Variants in IRF5 observed in about 807,000 individuals in gnomAD.
The protein encoded by IRF5 is interferon regulatory factor 5.
IRF5 carries 24 observed loss-of-function variants against 55.1 expected under a neutral mutation model. The ratio of observed to expected loss-of-function variants is 0.44; its 90% CI spans 0.32 to 0.61. The LOEUF is 0.61. IRF5 is among the 20% of genes least tolerant of loss of function. IRF5 has a pLI of 0.07. For synonymous variants in IRF5, 258 were observed against 260.2 expected (o/e 0.99, Z 0.08); for missense variants, 499 against 658.5 (o/e 0.76, Z 2.65).
intron 2 of IRF5, among the ~76,000 whole-genome samples, chr7:128,942,481 C>G (rs905872285): frequency 2.0e-5 from 3 of 150,606 alleles, no homozygotes; most frequent in African/African-American, 7.4e-5. Flanking sequence ...AAGACAGAGT[C>G]TCGCTCTGTA....
chr7:128,948,536 A>G lies in IRF5; in HGVS notation c.1300-37A>G, dbSNP rs1359423212. 16 of 1,609,804 alleles carry G rather than the reference A, an allele frequency of 9.9e-6. No individual in the cohort carries two copies. Among genetic ancestry groups the G allele is most frequent in the African/African-American group, 1.3e-5 (1 of 74,928 alleles). On this transcript the variant is annotated intron_variant, in intron 8 of 8. Transcript: ENST00000357234. The surrounding 1 kb of genome is among the most constrained non-coding windows in gnomAD (Gnocchi z 4.6). Reference sequence around the variant, plus strand: ...CACAGCTGGATCTGGCAGCCCTGCCACAGGTCTCCCTGTCTCATCTCCTCT... The same window carrying G: ...CACAGCTGGATCTGGCAGCCCTGCCGCAGGTCTCCCTGTCTCATCTCCTCT...
chr7:128,948,145 T>C lies in IRF5; in HGVS notation c.1180+24T>C. On this transcript the variant is annotated intron_variant, in intron 7 of 8. Coordinates refer to ENST00000357234, the MANE Select transcript of IRF5 (RefSeq NM_001098629.3). The surrounding 1 kb of genome is among the most constrained non-coding windows in gnomAD (Gnocchi z 4.6). ...TGGTGAGGGCCCAAAGCTGTGATCC[T>C]CCTGGCTGCCTCTTGCCCAGGGCAT... 2.5e-6 allele frequency: 4 copies of C among 1,612,080 alleles called. No homozygotes were observed. The highest frequency in any genetic ancestry group is 3.4e-6 in the Non-Finnish European group (4 of 1,178,382).
rs1563078213 is a variant in IRF5, at chr7:128,948,000, C to T, written c.1059C>T (p.Ile353=). 8.7e-6 allele frequency: 14 copies of T among 1,614,198 alleles called. No homozygotes were observed. Among genetic ancestry groups the T allele is most frequent in the Non-Finnish European group, 8.5e-6 (10 of 1,180,036 alleles). ...TACAGGGCCAGGACCTTTATGCCAT[C>T]CGCCTGTGTCAGTGCAAGGTGTTCT... The part of the protein sequence containing the change: ...LQLQGQDLYA[I]RLCQCKVFWS... The change falls in exon 7 of 9, where the codon ATC becomes ATT. Residue 353 remains isoleucine, a synonymous_variant. Coordinates refer to ENST00000357234, the MANE Select transcript of IRF5 (RefSeq NM_001098629.3). This position sits in a 1 kb window ranked among gnomAD's most constrained non-coding sequence, Gnocchi z 6.5.
In IRF5 at chr7:128,945,862, A is replaced by G; in HGVS notation, c.213A>G (p.Thr71=). 1.2e-6 allele frequency: 2 copies of G among 1,611,286 alleles called. No individual in the cohort carries two copies. The highest frequency in any genetic ancestry group is 1.7e-4 in the Middle Eastern group (1 of 6,032). The change falls in exon 3 of 9, where the codon ACA becomes ACG. Residue 71 remains threonine (T), a synonymous_variant. Transcript: ENST00000357234. ...TGCCCCAGGCCTGGGCCAAGGAGAC[A>G]GGGAAATACACCGAAGGCGTGGATG... ...NTIFKAWAKE[T]GKYTEGVDEA...
rs1006391930 is a variant in IRF5, at chr7:128,949,503, T to C, written c.*685T>C. 3 of 152,226 alleles carry C rather than the reference T, an allele frequency of 2.0e-5. No homozygotes were observed. The highest frequency in any genetic ancestry group is 2.9e-5 in the Non-Finnish European group (2 of 68,062). 9.4% of individuals were successfully genotyped at this position (152,226 alleles called of 1,614,324 possible). On this transcript the variant is annotated 3_prime_UTR_variant, in exon 9 of 9. Coordinates refer to ENST00000357234, the MANE Select transcript of IRF5 (RefSeq NM_001098629.3). ...AGCACTTGCCCCCAGCTTGCGACCA[T>C]TGGCACTGGGAGGGCCTGGCTTCTG...
In IRF5 at chr7:128,948,851, C is replaced by T; in HGVS notation, c.*33C>T. On this transcript the variant is annotated 3_prime_UTR_variant, in exon 9 of 9. Coordinates refer to ENST00000357234, the MANE Select transcript of IRF5 (RefSeq NM_001098629.3). This position sits in a 1 kb window ranked among gnomAD's most constrained non-coding sequence, Gnocchi z 4.6. ...GCAGACGGTGACTGGCCCTGGCTTC[C>T]TGGGTGGCGGTGCGGACTGATGTGG... is the stretch of plus-strand genomic sequence containing the variant. 6.3e-7 allele frequency: 1 copy of T among 1,588,898 alleles called. No homozygotes were observed. Among genetic ancestry groups the T allele is most frequent in the Non-Finnish European group, 8.5e-7 (1 of 1,173,814 alleles).
At chr7:128,940,002 T>G (rs1282355822) in intron 1 of IRF5, among the ~76,000 whole-genome samples, 1 of 152,218 alleles carries the variant, frequency 6.6e-6, no homozygotes. Flanking sequence ...GGATGGATGC[T>G]GTTCGGGTTA....
rs112541697 is a variant in IRF5 at position 128,939,354 on chromosome 7, C to CT, written c.-12+1306dup. Among the ~76,000 whole-genome samples the CT allele has an allele frequency of 4.3e-3, 649 of 152,218 alleles. 4 individuals carry two copies. The highest frequency in any genetic ancestry group is 0.015 in the African/African-American group (623 of 41,516). ...ACCCTGGTCTTCCCCTACCCTGACCCTGGGAGGAAGCTGAAAGAAGCTTCT... is the reference window on the plus strand; with the variant it reads ...ACCCTGGTCTTCCCCTACCCTGACCCTTGGGAGGAAGCTGAAAGAAGCTTCT... On this transcript the variant is annotated intron_variant, in intron 1 of 8. Transcript: ENST00000357234.
Position 128,945,996 on chromosome 7 carries a change from A to G in IRF5, c.347A>G (p.Lys116Arg). 1 of 1,611,216 alleles carries G rather than the reference A, an allele frequency of 6.2e-7. No individual in the cohort carries two copies. The highest frequency in any genetic ancestry group is 8.5e-7 in the Non-Finnish European group (1 of 1,179,270). ...GPRDMPPQPY[K>R]IYEVCSNGPA... is the part of the protein sequence containing the mutation. ...CGGGACATGCCACCTCAGCCCTACA[A>G]GATCTACGAGGTCTGCTCCAATGGC... is the stretch of plus-strand genomic sequence containing the variant. Residue 116 changes from lysine (K) to arginine (R), a missense_variant, in exon 3 of 9, where the codon AAG (lysine) becomes AGG (arginine). By Grantham distance (26) the Lys-to-Arg change is conservative (BLOSUM62 2). Transcript: ENST00000357234.
chr7:128,942,616 C>T (rs1796091061), intron 2 of IRF5, among the ~76,000 whole-genome samples: 1 of 152,030 alleles, frequency 6.6e-6, no homozygotes, highest in Admixed American at 6.5e-5. Context: ...CCACGCCTGG[C>T]CTAGGGCACA....
Position 128,943,707 on chromosome 7 carries a change from A to ATTTTTTTT in IRF5, c.195+1459_195+1466dup, listed in dbSNP as rs61451031. ...AGGCACCTGCCACCATGCCCGGCTA[A>ATTTTTTTT]TTTTTTTTTTTTTTTTTTTTTTTTT... On this transcript the variant is annotated intron_variant, in intron 2 of 8. Transcript: ENST00000357234. Among the ~76,000 whole-genome samples, 605 of 71,922 alleles carry ATTTTTTTT rather than the reference A, an allele frequency of 8.4e-3. 10 individuals are homozygous for ATTTTTTTT. The highest frequency in any genetic ancestry group is 0.024 in the Middle Eastern group (2 of 84). 47.2% of individuals were successfully genotyped at this position (71,922 alleles called of 152,430 possible).
At chr7:128,945,052 A>G (rs149654260) in intron 2 of IRF5, among the ~76,000 whole-genome samples, 1 of 152,364 alleles carries the variant, frequency 6.6e-6, no homozygotes, top group African/African-American at 2.4e-5. Flanking sequence ...TAATACCAAC[A>G]GCTCCAGTGT....
chr7:128,948,560 C>G lies in IRF5; in HGVS notation c.1300-13C>G. On this transcript the variant is annotated splice_polypyrimidine_tract_variant and intron_variant, in intron 8 of 8. Transcript: ENST00000357234. The surrounding 1 kb of genome is among the most constrained non-coding windows in gnomAD (Gnocchi z 4.6). ...CACAGGTCTCCCTGTCTCATCTCCT[C>G]TTTGCCTCCCAGGTGGTGCCTGTAG... 6.2e-7 allele frequency: 1 copy of G among 1,613,084 alleles called. No individual in the cohort carries two copies. Among genetic ancestry groups the G allele is most frequent in the Non-Finnish European group, 8.5e-7 (1 of 1,179,958 alleles).
rs1436935701 is a variant in IRF5 at position 128,945,926 on chromosome 7, G to A, written c.277G>A (p.Ala93Thr). The A allele has an allele frequency of 1.2e-6, 2 of 1,613,678 alleles. No individual in the cohort carries two copies. Among genetic ancestry groups the A allele is most frequent in the Non-Finnish European group, 1.7e-6 (2 of 1,179,876 alleles). Residue 93 changes from alanine to threonine, a missense_variant, in exon 3 of 9, where the codon GCC becomes ACC. Coordinates refer to ENST00000357234, the MANE Select transcript of IRF5 (RefSeq NM_001098629.3). The stretch of plus-strand genomic sequence containing the variant: ...CAAGTGGAAGGCCAACCTGCGCTGT[G>A]CCCTTAACAAGAGCCGGGACTTCCG... Reference protein sequence around the residue: ...PAKWKANLRCALNKSRDFRLI... With the variant: ...PAKWKANLRCTLNKSRDFRLI...
intron 2 of IRF5, 101 bp downstream of exon 2, chr7:128,942,377 C>A (rs1373160632): frequency 5.0e-6 from 5 of 997,658 alleles, no homozygotes; most frequent in South Asian, 1.7e-5. Context: ...GCTGGCCACC[C>A]GCCCAGCTAC....
At chr7:128,942,447 C>G (rs1183172227) in intron 2 of IRF5, among the ~76,000 whole-genome samples, 171 bp downstream of exon 2, 1 of 149,470 alleles carries the variant, frequency 6.7e-6, no homozygotes, top group African/African-American at 2.5e-5. Context: ...ACAGGGTACA[C>G]CTTTTTCCTT....
In IRF5 at chr7:128,942,151, C is replaced by G; in HGVS notation, c.70C>G (p.Gln24Glu). 1.2e-6 allele frequency: 2 copies of G among 1,613,650 alleles called. No individual in the cohort carries two copies. The highest frequency in any genetic ancestry group is 1.7e-6 in the Non-Finnish European group (2 of 1,179,862). ...GCGGCTGAAGCCCTGGCTGGTGGCC[C>G]AGGTGAACAGCTGCCAGTACCCAGG... ...RVRLKPWLVA[Q>E]VNSCQYPGLQ... is the part of the protein sequence containing the mutation. Residue 24 changes from glutamine (Q) to glutamate (E), a missense_variant, in exon 2 of 9, where the codon CAG (glutamine) becomes GAG (glutamate). Gln to Glu is a conservative substitution (Grantham distance 29, BLOSUM62 2). Coordinates refer to ENST00000357234, the MANE Select transcript of IRF5 (RefSeq NM_001098629.3).
In IRF5 at chr7:128,948,146, C is replaced by T. The variant is rs1585309123; in HGVS notation, c.1180+25C>T. 1.2e-6 allele frequency: 2 copies of T among 1,612,032 alleles called. No individual in the cohort carries two copies. Among genetic ancestry groups the T allele is most frequent in the South Asian group, 1.1e-5 (1 of 91,030 alleles). On this transcript the variant is annotated intron_variant, in intron 7 of 8. Transcript: ENST00000357234. The surrounding 1 kb of genome is among the most constrained non-coding windows in gnomAD (Gnocchi z 4.6). ...GGTGAGGGCCCAAAGCTGTGATCCT[C>T]CTGGCTGCCTCTTGCCCAGGGCATG...
intron 2 of IRF5, chr7:128,943,181 C>T: frequency 4.4e-6 from 1 of 225,190 alleles, no homozygotes; most frequent in South Asian, 4.0e-5. Context: ...ATTACAGGTG[C>T]CTGCCACCAC....
Sources: gnomAD v4.1 joint callset for allele counts (sites outside exome capture counted in the v4.1 genomes callset) on GRCh38, gnomAD v4.1.1 for gene constraint, Gnocchi (gnomAD v3.1) non-coding constraint, MANE v1.5 for transcripts, NCBI Gene and HGNC (gene_info 2026-07-23, HGNC 2026-07-21) for gene names.